LRRC14: variants seen among roughly 807,000 people sequenced by gnomAD.
LRRC14 encodes the protein leucine rich repeat containing 14.
A neutral mutation model predicts 25.3 loss-of-function variants in LRRC14; 16 were observed. The ratio of observed to expected loss-of-function variants is 0.63; its 90% CI spans 0.43 to 0.96. The LOEUF (loss-of-function observed/expected upper bound fraction) is 0.96, where lower values mean the gene tolerates loss of function less well. Among genes scored for constraint, LRRC14 ranks in the 40% least tolerant of loss-of-function variants. The probability of loss-of-function intolerance (pLI) is 0.00; values close to 1 mark genes in which losing one functional copy is unlikely to be tolerated. For missense variants in LRRC14, 594 were observed against 660.5 expected, an observed-to-expected ratio of 0.90 and a Z score of 1.10; for synonymous variants, 359 against 295.1, an observed-to-expected ratio of 1.22 and a Z score of -2.22.
Position 144,524,680 on chromosome 8 carries a change from G to T in LRRC14, c.*3202G>T. Reference sequence around the variant, plus strand: ...GCGGCGAGTGGCGCCAGGGCTCCCGGCTCTAGGCGGGCGATGTTGTTGTCC... The same window carrying T: ...GCGGCGAGTGGCGCCAGGGCTCCCGTCTCTAGGCGGGCGATGTTGTTGTCC... On this transcript the variant is annotated 3_prime_UTR_variant, in exon 4 of 4. Coordinates refer to ENST00000292524, the MANE Select transcript of LRRC14 (RefSeq NM_014665.4). 6.8e-7 allele frequency: 1 copy of T among 1,476,154 alleles called. No individual in the cohort carries two copies. The highest frequency in any genetic ancestry group is 2.6e-5 in the Admixed American group (1 of 37,822). 91.4% of individuals were successfully genotyped at this position (1,476,154 alleles called of 1,614,324 possible). A position where few individuals can be genotyped will look rare whatever the true frequency, so the allele number is the denominator to read the frequency against.
Position 144,521,622 on chromosome 8 carries a change from A to T in LRRC14, c.*144A>T, listed in dbSNP as rs1481601176. On this transcript the variant is annotated 3_prime_UTR_variant, in exon 4 of 4. Transcript: ENST00000292524. ...TCTACCTTGCTTCTGGGCACACCTC[A>T]AGCCTCCCCTGCTTTCTGCAGTGCC... The T allele has an allele frequency of 3.7e-6, 3 of 803,524 alleles. No individual in the cohort carries two copies. Among genetic ancestry groups the T allele is most frequent in the Non-Finnish European group, 5.7e-6 (3 of 523,010 alleles). The allele number at this position is 803,524 out of a possible 1,614,324, so 49.8% of individuals were successfully genotyped here. A position where few individuals can be genotyped will look rare whatever the true frequency, so the allele number is the denominator to read the frequency against.
At position 144,523,032 on chromosome 8, in the gene LRRC14, T is replaced by C. The variant is rs1270615265; in HGVS notation, c.*1554T>C. ...AGCGTGATGTTGCTGAGGAAGAGCA[T>C]GCCGCTGCCCGTGTCGGATGCCGAG... On this transcript the variant is annotated 3_prime_UTR_variant, in exon 4 of 4. Coordinates refer to ENST00000292524, the MANE Select transcript of LRRC14 (RefSeq NM_014665.4). 2.5e-6 allele frequency: 4 copies of C among 1,600,968 alleles called. No homozygotes were observed. Among genetic ancestry groups the C allele is most frequent in the East Asian group, 2.2e-5 (1 of 44,708 alleles).
chr8:144,522,788 G>T lies in LRRC14; in HGVS notation c.*1310G>T. 6.4e-7 allele frequency: 1 copy of T among 1,551,656 alleles called. No homozygotes were observed. Among genetic ancestry groups the T allele is most frequent in the Non-Finnish European group, 8.7e-7 (1 of 1,153,368 alleles). ...CGCCGTGAGCGCCAGCAGCGCGATG[G>T]CCGCCGCAATGGCCGTCTGTGTGGC... On this transcript the variant is annotated 3_prime_UTR_variant, in exon 4 of 4. Coordinates refer to ENST00000292524, the MANE Select transcript of LRRC14 (RefSeq NM_014665.4).
rs754985893 is a variant in LRRC14 at position 144,522,793 on chromosome 8, C to T, written c.*1315C>T. The T allele has an allele frequency of 1.3e-5, 20 of 1,545,644 alleles. No homozygotes were observed. Among genetic ancestry groups the T allele is most frequent in the Admixed American group, 3.8e-5 (2 of 52,134 alleles). ...TGAGCGCCAGCAGCGCGATGGCCGCCGCAATGGCCGTCTGTGTGGCCACGC... is the reference window on the plus strand; with the variant it reads ...TGAGCGCCAGCAGCGCGATGGCCGCTGCAATGGCCGTCTGTGTGGCCACGC... On this transcript the variant is annotated 3_prime_UTR_variant, in exon 4 of 4. Transcript: ENST00000292524.
rs1432590494 is a variant in LRRC14, at chr8:144,524,155, C to T, written c.*2677C>T. ...AGACTGGCCAGGGGCTGCAGGGCCT[C>T]TCGGCTGATGGTGCCCAGCTGGTTC... On this transcript the variant is annotated 3_prime_UTR_variant, in exon 4 of 4. Transcript: ENST00000292524. 6.8e-6 allele frequency: 11 copies of T among 1,609,926 alleles called. No individual in the cohort carries two copies. Among genetic ancestry groups the T allele is most frequent in the Non-Finnish European group, 9.3e-6 (11 of 1,177,978 alleles).
chr8:144,519,995 G>T lies in LRRC14; in HGVS notation c.270G>T (p.Leu90=). 1.7e-5 allele frequency: 27 copies of T among 1,611,924 alleles called. No homozygotes were observed. The highest frequency in any genetic ancestry group is 2.3e-5 in the Non-Finnish European group (27 of 1,179,948). Residue 90 remains leucine (L), a synonymous_variant, in exon 2 of 4, where the codon CTG becomes CTT. Transcript: ENST00000292524. ...CTGAGAGCATGCAGGCTGTTATCCT[G>T]GGGCTGACTGCCCGGCTCCACACCT... ...PSTESMQAVI[L]GLTARLHTSE...
At position 144,524,979 on chromosome 8, in the gene LRRC14, C is replaced by A; in HGVS notation, c.*3501C>A. The A allele has an allele frequency of 6.9e-7, 1 of 1,447,930 alleles. No homozygotes were observed. Among genetic ancestry groups the A allele is most frequent in the South Asian group, 1.4e-5 (1 of 73,942 alleles). 89.7% of individuals were successfully genotyped at this position (1,447,930 alleles called of 1,614,324 possible). ...TGCGGGGGCCCTCAGGGCCATCTCC[C>A]GAGGCCCGGTTCCTCACCGGCCCTT... On this transcript the variant is annotated 3_prime_UTR_variant, in exon 4 of 4. Transcript: ENST00000292524.
Position 144,521,519 on chromosome 8 carries a change from C to T in LRRC14, c.*41C>T, listed in dbSNP as rs758862337. The stretch of plus-strand genomic sequence containing the variant: ...TGAGACACAGGCCGCCCTGCAGTCT[C>T]TTTAGGTAGGCAGGGCCTTTGCTGG... On this transcript the variant is annotated 3_prime_UTR_variant, in exon 4 of 4. Coordinates refer to ENST00000292524, the MANE Select transcript of LRRC14 (RefSeq NM_014665.4). The T allele has an allele frequency of 3.9e-6, 6 of 1,549,094 alleles. No individual in the cohort carries two copies. Among genetic ancestry groups the T allele is most frequent in the Admixed American group, 1.8e-5 (1 of 56,126 alleles).
rs200093755 is a variant in LRRC14, at chr8:144,521,459, C to G, written c.1463C>G (p.Ala488Gly). Residue 488 changes from alanine (A) to glycine (G), a missense_variant, in exon 4 of 4, where the codon GCG becomes GGG. Coordinates refer to ENST00000292524, the MANE Select transcript of LRRC14 (RefSeq NM_014665.4). Reference sequence around the variant, plus strand: ...ACGGACATCTACGGGCGACTGGCTGCGGACTACTTCAGCCTATGATGAAGT... The same window carrying G: ...ACGGACATCTACGGGCGACTGGCTGGGGACTACTTCAGCCTATGATGAAGT... ...WTTDIYGRLA[A>G]DYFSL The G allele has an allele frequency of 1.2e-6, 2 of 1,601,786 alleles. No individual in the cohort carries two copies. Among genetic ancestry groups the G allele is most frequent in the Non-Finnish European group, 1.7e-6 (2 of 1,178,520 alleles).
chr8:144,518,384 A>T (rs1487106016), intron 1 of LRRC14: 2 of 152,184 alleles, frequency 1.3e-5, no homozygotes, highest in Non-Finnish European at 2.9e-5. Flanking sequence ...CGCGAAACGC[A>T]GGCGACCGAG....
rs940040166 is a variant in LRRC14, at chr8:144,523,446, T to C, written c.*1968T>C. On this transcript the variant is annotated 3_prime_UTR_variant, in exon 4 of 4. Transcript: ENST00000292524. ...CAGCGTTAGGCAGGTGGCTTGAGGG[T>C]GCTGCTAAAACAGCCTGTGCAGTTG... The C allele has an allele frequency of 6.6e-7, 1 of 1,504,774 alleles. No individual in the cohort carries two copies. Among genetic ancestry groups the C allele is most frequent in the Non-Finnish European group, 8.8e-7 (1 of 1,130,320 alleles). The allele number at this position is 1,504,774 out of a possible 1,614,324, so 93.2% of individuals were successfully genotyped here.
chr8:144,520,178 G>A, intron 2 of LRRC14, 60 bp from the exon 3 acceptor site: 1 of 1,578,266 alleles, frequency 6.3e-7, no homozygotes, highest in Middle Eastern at 1.7e-4. Context: ...TCCCAAGGTG[G>A]CTGGGAGGGG....
In LRRC14 at chr8:144,522,365, C is replaced by T. The variant is rs1816128478; in HGVS notation, c.*887C>T. The T allele has an allele frequency of 2.3e-6, 3 of 1,326,362 alleles. No individual in the cohort carries two copies. Among genetic ancestry groups the T allele is most frequent in the African/African-American group, 1.5e-5 (1 of 64,838 alleles). 82.2% of individuals were successfully genotyped at this position (1,326,362 alleles called of 1,614,324 possible). A position where few individuals can be genotyped will look rare whatever the true frequency, so the allele number is the denominator to read the frequency against. On this transcript the variant is annotated 3_prime_UTR_variant, in exon 4 of 4. Coordinates refer to ENST00000292524, the MANE Select transcript of LRRC14 (RefSeq NM_014665.4). ...CGAGTGCAACGTTCCCGGCTCGCGC[C>T]CCACACACGGCTCAGCGCACACTGC...
Position 144,522,374 on chromosome 8 carries a change from G to C in LRRC14, c.*896G>C. ...CGTTCCCGGCTCGCGCCCCACACAC[G>C]GCTCAGCGCACACTGCGCGGCTTCC... On this transcript the variant is annotated 3_prime_UTR_variant, in exon 4 of 4. Coordinates refer to ENST00000292524, the MANE Select transcript of LRRC14 (RefSeq NM_014665.4). The C allele has an allele frequency of 7.5e-7, 1 of 1,331,786 alleles. No homozygotes were observed. Among genetic ancestry groups the C allele is most frequent in the Non-Finnish European group, 9.6e-7 (1 of 1,044,902 alleles). 82.5% of individuals were successfully genotyped at this position (1,331,786 alleles called of 1,614,324 possible).
chr8:144,522,687 G>T lies in LRRC14; in HGVS notation c.*1209G>T. The T allele has an allele frequency of 6.3e-7, 1 of 1,596,630 alleles. No individual in the cohort carries two copies. Among genetic ancestry groups the T allele is most frequent in the Middle Eastern group, 1.7e-4 (1 of 6,016 alleles). ...CCGTCCAAGTAGTCGTTGACGAACA[G>T]CGCTCCCTCCCCCGGAGGCCCCCGC... On this transcript the variant is annotated 3_prime_UTR_variant, in exon 4 of 4. Transcript: ENST00000292524.
chr8:144,520,538 T>G lies in LRRC14; in HGVS notation c.630T>G (p.Thr210=), dbSNP rs775967236. ...LRAEDLPMRN[T]VALLQLLDAG... The stretch of plus-strand genomic sequence containing the variant: ...CTGAGGACCTGCCCATGCGCAACAC[T>G]GTGGCCCTGCTGCAGCTTCTGGATG... The change falls in exon 3 of 4, where the codon ACT becomes ACG. Residue 210 remains threonine (T), a synonymous_variant. Coordinates refer to ENST00000292524, the MANE Select transcript of LRRC14 (RefSeq NM_014665.4). The G allele has an allele frequency of 6.3e-7, 1 of 1,599,714 alleles. No homozygotes were observed. The highest frequency in any genetic ancestry group is 1.7e-5 in the Admixed American group (1 of 59,988).
chr8:144,520,476 G>C lies in LRRC14; in HGVS notation c.568G>C (p.Gly190Arg), dbSNP rs759064459. 6.3e-7 allele frequency: 1 copy of C among 1,597,812 alleles called. No individual in the cohort carries two copies. The highest frequency in any genetic ancestry group is 8.5e-7 in the Non-Finnish European group (1 of 1,177,264). Residue 190 changes from glycine to arginine, a missense_variant, in exon 3 of 4, where the codon GGC (glycine) becomes CGC (arginine). Physicochemically the swap from Gly to Arg is moderately radical, Grantham distance 125 (BLOSUM62 -2). Coordinates refer to ENST00000292524, the MANE Select transcript of LRRC14 (RefSeq NM_014665.4). ...GCGGGAGGCACTCCGAAGCAGCGTG[G>C]GCAGCCCGCTGCGGCTCTGCTGCCG... ...FLREALRSSV[G>R]SPLRLCCRDL...
chr8:144,518,456 C>T (rs773949008), intron 1 of LRRC14: 3 of 152,300 alleles, frequency 2.0e-5, no homozygotes, highest in East Asian at 3.8e-4. Context: ...GTGCCTGCCT[C>T]CCTTGGTGGG....
rs1327452980 is a variant in LRRC14, at chr8:144,524,947, G to A, written c.*3469G>A. ...AGCGGCAGTAGTAGCAGCAGCAGCG[G>A]CAGCAGTGCGGGGGCCCTCAGGGCC... On this transcript the variant is annotated 3_prime_UTR_variant, in exon 4 of 4. Transcript: ENST00000292524. 2 of 1,504,812 alleles carry A rather than the reference G, an allele frequency of 1.3e-6. No homozygotes were observed. The highest frequency in any genetic ancestry group is 2.1e-5 in the Admixed American group (1 of 48,028). 93.2% of individuals were successfully genotyped at this position (1,504,812 alleles called of 1,614,324 possible).
Sources: allele counts gnomAD v4.1 joint callset, GRCh38; gene constraint gnomAD v4.1.1; transcripts MANE v1.5; gene names NCBI Gene and HGNC (gene_info 2026-07-23, HGNC 2026-07-21).